Variants in NUAK1 observed in about 807,000 individuals in gnomAD.
NUAK1 encodes the protein NUAK family kinase 1.
Under a neutral mutation model 56.9 loss-of-function variants are expected in NUAK1, and 26 were observed. The observed-to-expected ratio is 0.46, with a 90% CI of 0.33 to 0.63. The LOEUF (loss-of-function observed/expected upper bound fraction) is 0.63. NUAK1 is among the 30% of genes least tolerant of loss of function. NUAK1 has a pLI of 0.02. For synonymous variants in NUAK1, 337 were observed against 336.0 expected (o/e 1.00, Z -0.03); for missense variants, 727 against 876.1 (o/e 0.83, Z 2.15).
intron 2 of NUAK1, 73 bp downstream of exon 2, chr12:106,106,332 A>T (rs982900277): frequency 8.6e-6 from 12 of 1,391,364 alleles, no homozygotes; most frequent in Non-Finnish European, 1.2e-5. Context: ...CAATTATCTC[A>T]AAGTCTTGGC....
rs549986755 is a variant in NUAK1 at position 106,104,660 on chromosome 12, T to C, written c.361+1745A>G. The stretch of plus-strand genomic sequence containing the variant: ...TGAGAAGCACTGTAAGAGGTGTTTG[T>C]GATGTAAATAAAAGATAGAATGGAT... On this transcript the variant is annotated intron_variant, in intron 2 of 6. Coordinates refer to ENST00000261402, the MANE Select transcript of NUAK1 (RefSeq NM_014840.3). Among the ~76,000 whole-genome samples, 66 of 152,294 alleles carry C rather than the reference T, an allele frequency of 4.3e-4. 1 individual carries two copies. The highest frequency in any genetic ancestry group is 1.0e-3 in the South Asian group (5 of 4,820).
At chr12:106,129,602 C>A (rs2033057202) in intron 1 of NUAK1, among the ~76,000 whole-genome samples, 1 of 152,132 alleles carries the variant, frequency 6.6e-6, no homozygotes, top group Non-Finnish European at 1.5e-5. Flanking sequence ...ATGGTAAATT[C>A]AGACTTTGGG....
chr12:106,116,838 G>C (rs1302916359), intron 1 of NUAK1, among the ~76,000 whole-genome samples: 1 of 152,204 alleles, frequency 6.6e-6, no homozygotes, highest in Non-Finnish European at 1.5e-5. Flanking sequence ...CTATCAATCA[G>C]TGTTCCTGCT....
chr12:106,121,868 C>T (rs2032979987), intron 1 of NUAK1, among the ~76,000 whole-genome samples: 1 of 152,224 alleles, frequency 6.6e-6, no homozygotes, highest in East Asian at 1.9e-4. Flanking sequence ...AACACACACA[C>T]ATGCACACAC....
rs55928990 is a variant in NUAK1 at position 106,138,639 on chromosome 12, G to C, written c.15C>G (p.Ala5=). Residue 5 remains alanine, a synonymous_variant, in exon 1 of 7, where the codon GCC becomes GCG. Transcript: ENST00000261402. The surrounding 1 kb of genome is among the most constrained non-coding windows in gnomAD (Gnocchi z 5.0). MEGA[A]APVAGDRPDL... ...CGGGGCGGTCCCCCGCCACAGGCGC[G>C]GCGGCCCCTTCCATGTCCAAGCGCG... 1.3e-6 allele frequency: 2 copies of C among 1,544,120 alleles called. No individual in the cohort carries two copies. The highest frequency in any genetic ancestry group is 1.2e-5 in the South Asian group (1 of 84,582).
In NUAK1 at chr12:106,085,758, G is replaced by T. The variant is rs1045108800; in HGVS notation, c.513+976C>A. On this transcript the variant is annotated intron_variant, in intron 3 of 6. Transcript: ENST00000261402. ...GTCTCACTTTGTCATCCAGGCTGGA[G>T]AGCAGTGGCACCATCATAGCTCACT... Among the ~76,000 whole-genome samples, 9 of 152,118 alleles carry T rather than the reference G, an allele frequency of 5.9e-5. No homozygotes were observed. The South Asian group carries it at 1.9e-3, about 32-fold the overall frequency.
chr12:106,114,554 A>C (rs961696792), intron 1 of NUAK1, among the ~76,000 whole-genome samples: 1 of 152,108 alleles, frequency 6.6e-6, no homozygotes, highest in South Asian at 2.1e-4. Flanking sequence ...AGCTGTAAGG[A>C]CTTAGAATGC....
intron 1 of NUAK1, among the ~76,000 whole-genome samples, chr12:106,127,450 C>G (rs1277276566): frequency 6.6e-6 from 1 of 152,174 alleles, no homozygotes; most frequent in African/African-American, 2.4e-5. Context: ...GCAGAAGCAA[C>G]CACACCCAGC....
At chr12:106,103,381 C>G (rs2032767848) in intron 2 of NUAK1, 1 of 151,810 alleles carries the variant, frequency 6.6e-6, no homozygotes, top group Non-Finnish European at 1.5e-5. Context: ...CCCTACAGGT[C>G]AATCCTTCAC....
At chr12:106,118,496 C>A (rs904136564) in intron 1 of NUAK1, among the ~76,000 whole-genome samples, 2 of 152,210 alleles carry the variant, frequency 1.3e-5, no homozygotes, top group African/African-American at 4.8e-5. Context: ...TAGCAGATTG[C>A]TCAAATGTCG....
At chr12:106,123,220 T>C (rs1298700882) in intron 1 of NUAK1, among the ~76,000 whole-genome samples, 2 of 152,184 alleles carry the variant, frequency 1.3e-5, no homozygotes, top group Non-Finnish European at 1.5e-5. Flanking sequence ...TTATAGATCA[T>C]AATGTGTGCT....
chr12:106,094,507 G>A (rs971036445), intron 2 of NUAK1, among the ~76,000 whole-genome samples: 2 of 152,154 alleles, frequency 1.3e-5, no homozygotes, highest in East Asian at 3.9e-4. Flanking sequence ...TCACTAAATC[G>A]TCCTCTGATC....
rs140892897 is a variant in NUAK1, at chr12:106,099,345, C to A, written c.361+7060G>T. On this transcript the variant is annotated intron_variant, in intron 2 of 6. Transcript: ENST00000261402. ...TTCTGCAGTTTAGAAAACACTTGAC[C>A]TATGAGTTTAACAGATTTGAACCCC... is the stretch of plus-strand genomic sequence containing the variant. Among the ~76,000 whole-genome samples the A allele has an allele frequency of 2.3e-3, 353 of 152,264 alleles. 1 individual carries two copies. Among genetic ancestry groups the A allele is most frequent in the African/African-American group, 8.1e-3 (337 of 41,556 alleles).
At chr12:106,076,059 G>C (rs2032462307) in intron 4 of NUAK1, among the ~76,000 whole-genome samples, 1 of 152,170 alleles carries the variant, frequency 6.6e-6, no homozygotes, top group East Asian at 1.9e-4. Context: ...AAAATATTAA[G>C]TAAAATAGCA....
rs1390956618 is a variant in NUAK1 at position 106,066,875 on chromosome 12, G to C, written c.1913C>G (p.Ser638Cys). 1 of 1,614,218 alleles carries C rather than the reference G, an allele frequency of 6.2e-7. No individual in the cohort carries two copies. The highest frequency in any genetic ancestry group is 2.2e-5 in the East Asian group (1 of 44,882). ...YRNRLADSSF[S>C]LLTDMDDVTQ... The stretch of plus-strand genomic sequence containing the variant: ...CACATCATCCATGTCTGTGAGGAGG[G>C]AGAAGCTGCTGTCTGCCAGCCGGTT... Residue 638 changes from serine to cysteine, a missense_variant, in exon 7 of 7, where the codon TCC (serine) becomes TGC (cysteine). Transcript: ENST00000261402.
chr12:106,108,533 G>GAT (rs1429962637), intron 1 of NUAK1, among the ~76,000 whole-genome samples: 10 of 152,200 alleles, frequency 6.6e-5, no homozygotes, highest in Admixed American at 1.3e-4. Context: ...GATATGACTG[G>GAT]ATGGCTTTAT....
At chr12:106,076,735 C>T (rs1308605400) in intron 4 of NUAK1, among the ~76,000 whole-genome samples, 1 of 152,096 alleles carries the variant, frequency 6.6e-6, no homozygotes, top group East Asian at 1.9e-4. Flanking sequence ...AGATGTTATG[C>T]TAAGTGAAAT....
Position 106,110,378 on chromosome 12 carries a change from AGGTGG to A in NUAK1, c.241-3858_241-3854del, listed in dbSNP as rs373098560. Among the ~76,000 whole-genome samples, 117 of 145,004 alleles carry A rather than the reference AGGTGG, an allele frequency of 8.1e-4. 1 individual carries two copies. In the East Asian group the frequency reaches 0.018, roughly 22 times the overall value. On this transcript the variant is annotated intron_variant, in intron 1 of 6. Coordinates refer to ENST00000261402, the MANE Select transcript of NUAK1 (RefSeq NM_014840.3). Reference sequence around the variant, plus strand: ...CGACTGCTCCAGCCCTCAAGGTGGGAGGTGGGGTGGGGAGGGTACGGGCAATAAGC... The same window carrying A: ...CGACTGCTCCAGCCCTCAAGGTGGGAGGTGGGGAGGGTACGGGCAATAAGC...
chr12:106,086,814 T>A lies in NUAK1; in HGVS notation c.433A>T (p.Ser145Cys). 1 of 1,614,232 alleles carries A rather than the reference T, an allele frequency of 6.2e-7. No individual in the cohort carries two copies. ...CTCTCACTGAGGCGTCGCCGCTCAC[T>A]GATGTAATCGTACAGCTCCCCTTTG... ...ASKGELYDYI[S>C]ERRRLSERET... The change falls in exon 3 of 7, where the codon AGT (serine) becomes TGT (cysteine). Residue 145 changes from serine to cysteine, a missense_variant. Coordinates refer to ENST00000261402, the MANE Select transcript of NUAK1 (RefSeq NM_014840.3).
Sources: allele counts gnomAD v4.1 joint callset (sites outside exome capture counted in the v4.1 genomes callset), GRCh38; gene constraint gnomAD v4.1.1; non-coding constraint Gnocchi (gnomAD v3.1); transcripts MANE v1.5; gene names NCBI Gene and HGNC (gene_info 2026-07-23, HGNC 2026-07-21).